CDCA2: variants seen among roughly 807,000 people sequenced by gnomAD.
CDCA2 encodes the protein cell division cycle-associated protein 2.
CDCA2 carries 44 observed loss-of-function variants against 67.0 expected under a neutral mutation model. The observed-to-expected ratio is 0.66, with a 90% confidence interval of 0.52 to 0.84. The LOEUF (loss-of-function observed/expected upper bound fraction) is 0.84, where lower values mean the gene tolerates loss of function less well. Among genes scored for constraint, CDCA2 ranks in the 40% least tolerant of loss-of-function variants. The pLI, the probability that CDCA2 is intolerant of heterozygous loss-of-function variation, is 0.00. For missense variants in CDCA2, 1,253 were observed against 1,203.2 expected (o/e 1.04, Z -0.61); for synonymous variants, 447 against 418.7 (o/e 1.07, Z -0.82).
intron 13 of CDCA2, among the ~76,000 whole-genome samples, chr8:25,503,018 A>G (rs1214898237): frequency 1.3e-5 from 2 of 152,216 alleles, no homozygotes; most frequent in Non-Finnish European, 2.9e-5. Flanking sequence ...ATTGTGGCTC[A>G]CACTTGTAAT....
Position 25,484,047 on chromosome 8 carries a change from C to G in CDCA2, c.1202C>G (p.Pro401Arg), listed in dbSNP as rs376268098. 5 of 1,613,954 alleles carry G rather than the reference C, an allele frequency of 3.1e-6. No individual in the cohort carries two copies. The highest frequency in any genetic ancestry group is 1.3e-5 in the African/African-American group (1 of 74,892). ...GTTACTTTTGGAGAGGACTTAAGCC[C>G]GGAAGTGTTTGATGAATCTTTGCCA... ...KRVTFGEDLSPEVFDESLPAN... is the reference protein window; with the variant it reads ...KRVTFGEDLSREVFDESLPAN... Residue 401 changes from proline to arginine, a missense_variant, in exon 10 of 15, where the codon CCG becomes CGG. Physicochemically the swap from Pro to Arg is moderately radical, Grantham distance 103 (BLOSUM62 -2). Coordinates refer to ENST00000330560, the MANE Select transcript of CDCA2 (RefSeq NM_152562.4).
chr8:25,472,829 C>T (rs1803210392), intron 7 of CDCA2, among the ~76,000 whole-genome samples: 1 of 152,098 alleles, frequency 6.6e-6, no homozygotes, highest in African/African-American at 2.4e-5. Flanking sequence ...ACATGTCCCT[C>T]ACTTCACTTA....
At chr8:25,500,051 A>T (rs1804410370) in intron 13 of CDCA2, among the ~76,000 whole-genome samples, 1 of 152,138 alleles carries the variant, frequency 6.6e-6, no homozygotes, top group African/African-American at 2.4e-5. Context: ...GTGGGGTGGT[A>T]ATATACTTCT....
chr8:25,495,421 C>CT (rs10674772), intron 13 of CDCA2, among the ~76,000 whole-genome samples: 16,872 of 148,106 alleles, frequency 0.11, 1,605 homozygotes, highest in African/African-American at 0.26. Context: ...TGGGATAAAT[C>CT]TTTTTTTTTT....
chr8:25,503,915 T>C (rs960168568), intron 14 of CDCA2, among the ~76,000 whole-genome samples: 2 of 152,040 alleles, frequency 1.3e-5, no homozygotes, highest in African/African-American at 2.4e-5. Flanking sequence ...GAACGAGAGC[T>C]GGGGCACCTG....
chr8:25,462,623 C>CAAAA (rs58705872), intron 4 of CDCA2, among the ~76,000 whole-genome samples: 3 of 101,982 alleles, frequency 2.9e-5, no homozygotes, highest in African/African-American at 1.1e-4. Flanking sequence ...GAGACTGTCT[C>CAAAA]AAAAAAAAAA....
Position 25,488,676 on chromosome 8 carries a change from C to G in CDCA2, c.1658C>G (p.Pro553Arg), listed in dbSNP as rs1445196869. The change falls in exon 13 of 15, where the codon CCT becomes CGT. Residue 553 changes from proline to arginine, a missense_variant. Transcript: ENST00000330560. Reference sequence around the variant, plus strand: ...ACAAAGTGTACAAAGAGAGCACTTCCTAAGAAGAGTCAGGTAAGCATGTGT... The same window carrying G: ...ACAAAGTGTACAAAGAGAGCACTTCGTAAGAAGAGTCAGGTAAGCATGTGT... ...QETKCTKRAL[P>R]KKSQVLKSCR... The G allele has an allele frequency of 4.4e-6, 7 of 1,604,956 alleles. 1 individual carries two copies. Among genetic ancestry groups the G allele is most frequent in the South Asian group, 3.4e-5 (3 of 89,426 alleles).
chr8:25,476,522 C>T (rs956402016), intron 7 of CDCA2, among the ~76,000 whole-genome samples: 1 of 151,560 alleles, frequency 6.6e-6, no homozygotes, highest in African/African-American at 2.4e-5. Flanking sequence ...TCAAAAGGGT[C>T]TCAATGTTCT....
intron 8 of CDCA2, 23 bp from the exon 9 acceptor site, chr8:25,483,376 T>A (rs775963741): frequency 2.6e-5 from 38 of 1,466,536 alleles, no homozygotes; most frequent in Non-Finnish European, 3.3e-5. Context: ...GTAAAATTAT[T>A]CATTAATGTT....
intron 8 of CDCA2, among the ~76,000 whole-genome samples, chr8:25,482,607 A>C (rs572873490): frequency 2.0e-5 from 3 of 152,344 alleles, no homozygotes; most frequent in African/African-American, 7.2e-5. Context: ...AGTGGCTCCC[A>C]GCTGTAATCC....
chr8:25,483,609 T>G (rs1803653702), intron 9 of CDCA2, 123 bp downstream of exon 9: 1 of 667,462 alleles, frequency 1.5e-6, no homozygotes. Flanking sequence ...AACACGTGAA[T>G]GAAGAACAGT....
intron 4 of CDCA2, among the ~76,000 whole-genome samples, chr8:25,462,883 G>T (rs1046786217): frequency 6.6e-6 from 1 of 152,114 alleles, no homozygotes; most frequent in Non-Finnish European, 1.5e-5. Context: ...GCCTCACTAT[G>T]TTGCCCAGGC....
Position 25,507,136 on chromosome 8 carries a change from T to C in CDCA2, c.2470T>C (p.Cys824Arg). 1 of 1,614,196 alleles carries C rather than the reference T, an allele frequency of 6.2e-7. No individual in the cohort carries two copies. Among genetic ancestry groups the C allele is most frequent in the Non-Finnish European group, 8.5e-7 (1 of 1,180,022 alleles). The part of the protein sequence containing the change: ...KPMESSSVVS[C>R]RDRKDRRRSM... ...CATGGAAAGTAGCAGTGTTGTGAGT[T>C]GCAGAGACAGGAAAGATAGAAGACG... is the stretch of plus-strand genomic sequence containing the variant. Residue 824 changes from cysteine (C) to arginine (R), a missense_variant, in exon 15 of 15, where the codon TGC becomes CGC. Cys to Arg is a radical substitution (Grantham distance 180). Transcript: ENST00000330560.
At chr8:25,497,005 A>G (rs1056746315) in intron 13 of CDCA2, among the ~76,000 whole-genome samples, 3 of 152,156 alleles carry the variant, frequency 2.0e-5, no homozygotes, top group Non-Finnish European at 2.9e-5. Flanking sequence ...TTATTTAGAA[A>G]AAAAACTCAC....
intron 4 of CDCA2, among the ~76,000 whole-genome samples, 170 bp downstream of exon 4, chr8:25,462,378 G>C (rs979823442): frequency 6.6e-6 from 1 of 152,164 alleles, no homozygotes; most frequent in Admixed American, 6.5e-5. Flanking sequence ...TATAATCCCA[G>C]TACTCTGGGA....
At chr8:25,505,991 CT>C (rs1278032656) in intron 14 of CDCA2, among the ~76,000 whole-genome samples, 1 of 152,114 alleles carries the variant, frequency 6.6e-6, no homozygotes, top group East Asian at 1.9e-4. Flanking sequence ...GTACAGTGCA[CT>C]TTATAGTAAT....
At chr8:25,468,540 T>TGTGTGTGC (rs2117487741) in intron 6 of CDCA2, 127 bp downstream of exon 6, 1 of 507,368 alleles carries the variant, frequency 2.0e-6, no homozygotes, top group East Asian at 3.1e-5. Context: ...GGGGTGTGTG[T>TGTGTGTGC]GTGTGTGTGT....
intron 13 of CDCA2, among the ~76,000 whole-genome samples, chr8:25,492,656 G>A (rs2174687): frequency 0.96 from 146,362 of 152,286 alleles, 70,574 homozygotes; most frequent in East Asian, 1. Flanking sequence ...CAAGGGGCCC[G>A]GAGGAGAAGA....
rs1007990738 is a variant in CDCA2 at position 25,470,842 on chromosome 8, A to G, written c.820+862A>G. On this transcript the variant is annotated intron_variant, in intron 7 of 14. Transcript: ENST00000330560. ...AGTGGTGTGATCTCAGCTCACTGCA[A>G]CCTCCCTCTCCCAGGTTCAAGCCAT... Among the ~76,000 whole-genome samples the G allele has an allele frequency of 5.3e-5, 8 of 151,212 alleles. No individual in the cohort carries two copies. In the East Asian group the frequency reaches 1.6e-3, roughly 29 times the overall value.
Sources: allele counts gnomAD v4.1 joint callset (sites outside exome capture counted in the v4.1 genomes callset), GRCh38; gene constraint gnomAD v4.1.1; transcripts MANE v1.5; gene names NCBI Gene and HGNC (gene_info 2026-07-23, HGNC 2026-07-21).